The following SEPTIN11 variants were observed in gnomAD, a reference collection of about 807,000 sequenced individuals.
The protein encoded by SEPTIN11 is septin 11, also known as septin-11.
A neutral mutation model predicts 51.4 loss-of-function variants in SEPTIN11; 25 were observed. The ratio of observed to expected loss-of-function variants is 0.49; its 90% CI spans 0.35 to 0.68. The LOEUF (loss-of-function observed/expected upper bound fraction) is 0.68, where lower values mean the gene tolerates loss of function less well. SEPTIN11 is among the 30% of genes least tolerant of loss of function. The probability of loss-of-function intolerance (pLI) is 0.00; values close to 1 mark genes in which losing one functional copy is unlikely to be tolerated. For synonymous variants in SEPTIN11, 174 were observed against 184.1 expected, an observed-to-expected ratio of 0.95 and a Z score of 0.44; for missense variants, 381 against 520.8, an observed-to-expected ratio of 0.73 and a Z score of 2.61.
intron 1 of SEPTIN11, among the ~76,000 whole-genome samples, chr4:76,956,506 C>T (rs186189357): frequency 6.6e-6 from 1 of 152,322 alleles, no homozygotes; most frequent in African/African-American, 2.4e-5. Context: ...GGGTTTATTT[C>T]TCATGCAGCT....
intron 1 of SEPTIN11, among the ~76,000 whole-genome samples, chr4:76,950,833 C>T (rs1312712481): frequency 6.6e-6 from 1 of 152,036 alleles, no homozygotes; most frequent in Admixed American, 6.5e-5. Flanking sequence ...GAGGAAGGGG[C>T]GGCGGCGGCC....
intron 1 of SEPTIN11, among the ~76,000 whole-genome samples, chr4:76,970,086 A>G (rs1265030005): frequency 6.6e-6 from 1 of 151,976 alleles, no homozygotes; most frequent in Non-Finnish European, 1.5e-5. Context: ...TACAATCTCC[A>G]TTAGGCTACC....
At chr4:76,992,394 A>T (rs1017847139) in intron 1 of SEPTIN11, among the ~76,000 whole-genome samples, 1 of 152,204 alleles carries the variant, frequency 6.6e-6, no homozygotes, top group Non-Finnish European at 1.5e-5. Flanking sequence ...TATTCAGTTC[A>T]TGAGATAAAT....
intron 4 of SEPTIN11, among the ~76,000 whole-genome samples, chr4:77,013,122 C>T (rs891525170): frequency 1.5e-4 from 23 of 152,218 alleles, no homozygotes; most frequent in African/African-American, 4.8e-4. Context: ...GCTTCCTAAT[C>T]GAGGGCTGAG....
chr4:77,008,635 A>G lies in SEPTIN11; in HGVS notation c.338+2839A>G, dbSNP rs532574540. 2.2e-4 allele frequency among the ~76,000 whole-genome samples: 33 copies of G among 152,310 alleles called. 1 individual carries two copies. Among genetic ancestry groups the G allele is most frequent in the African/African-American group, 7.7e-4 (32 of 41,564 alleles). ...GTTGGATGGATGGATCACATTGTCT[A>G]AGTATCTTTTTCCATCGGTTTTAGG... On this transcript the variant is annotated intron_variant, in intron 3 of 9. Coordinates refer to ENST00000264893, the MANE Select transcript of SEPTIN11 (RefSeq NM_018243.4).
Position 76,964,118 on chromosome 4 carries a change from A to G in SEPTIN11, c.27+14188A>G, listed in dbSNP as rs952469584. On this transcript the variant is annotated intron_variant, in intron 1 of 9. Transcript: ENST00000264893. ...GGTTTCCAGCTTCATCCATGTCCCT[A>G]CAAAGGACATGAACTCATCCTTTTT... Among the ~76,000 whole-genome samples, 14 of 152,248 alleles carry G rather than the reference A, an allele frequency of 9.2e-5. No individual in the cohort carries two copies. In the East Asian group the frequency reaches 2.7e-3, roughly 29 times the overall value.
chr4:77,016,888 T>G (rs1214255036), intron 5 of SEPTIN11, among the ~76,000 whole-genome samples: 1 of 151,896 alleles, frequency 6.6e-6, no homozygotes, highest in Non-Finnish European at 1.5e-5. Context: ...TAGAGATGAT[T>G]TAAAGTATAC....
At position 77,034,543 on chromosome 4, in the gene SEPTIN11, C is replaced by T. The variant is rs753000369; in HGVS notation, c.*31C>T. The T allele has an allele frequency of 6.5e-7, 1 of 1,547,398 alleles. No homozygotes were observed. Among genetic ancestry groups the T allele is most frequent in the Admixed American group, 2.0e-5 (1 of 49,072 alleles). ...GGCAAGCCAAGGATGTTCCCGCATT[C>T]ACCTGCTTTTGCAGTAATATCGTAT... On this transcript the variant is annotated 3_prime_UTR_variant, in exon 10 of 10. Coordinates refer to ENST00000264893, the MANE Select transcript of SEPTIN11 (RefSeq NM_018243.4).
intron 2 of SEPTIN11, 57 bp downstream of exon 2, chr4:76,996,596 CTG>C (rs1188080409): frequency 8.1e-7 from 1 of 1,231,102 alleles, no homozygotes; most frequent in African/African-American, 1.5e-5. Context: ...TGACAGGTAA[CTG>C]TCGGAGAGAC....
At position 77,037,592 on chromosome 4, in the gene SEPTIN11, T is replaced by C. The variant is rs915409748; in HGVS notation, c.*3080T>C. 15 of 985,302 alleles carry C rather than the reference T, an allele frequency of 1.5e-5. No homozygotes were observed. The highest frequency in any genetic ancestry group is 4.7e-5 in the South Asian group (1 of 21,296). The allele number at this position is 985,302 out of a possible 1,614,324, so 61.0% of individuals were successfully genotyped here. On this transcript the variant is annotated 3_prime_UTR_variant, in exon 10 of 10. Coordinates refer to ENST00000264893, the MANE Select transcript of SEPTIN11 (RefSeq NM_018243.4). ...TCTCCCTGGTGCTAACTGCTGACAG[T>C]GGCCACCTCTTTTTTGGGGATTGAG...
chr4:77,035,560 CACA>C lies in SEPTIN11; in HGVS notation c.*1052_*1054del. On this transcript the variant is annotated 3_prime_UTR_variant, in exon 10 of 10. Transcript: ENST00000264893. ...ATTTTAAGGTGGAAATAGGAAGGACCACAACATGACCCGTAAGTCAAGAAGGTA... is the reference window on the plus strand; with the variant it reads ...ATTTTAAGGTGGAAATAGGAAGGACCACATGACCCGTAAGTCAAGAAGGTA... The C allele has an allele frequency of 1.0e-6, 1 of 985,366 alleles. No homozygotes were observed. The highest frequency in any genetic ancestry group is 1.2e-6 in the Non-Finnish European group (1 of 829,910). The allele number at this position is 985,366 out of a possible 1,614,324, so 61.0% of individuals were successfully genotyped here.
At chr4:77,032,653 A>G (rs542169734) in intron 9 of SEPTIN11, among the ~76,000 whole-genome samples, 1 of 152,358 alleles carries the variant, frequency 6.6e-6, no homozygotes, top group Non-Finnish European at 1.5e-5. Context: ...TAGGAAATGC[A>G]AAGTCAAGTT....
intron 3 of SEPTIN11, among the ~76,000 whole-genome samples, chr4:77,010,541 A>G (rs1273647661): frequency 6.6e-6 from 1 of 151,992 alleles, no homozygotes; most frequent in Admixed American, 6.5e-5. Flanking sequence ...AAAGAAAAAT[A>G]TCAAAAAGCT....
intron 1 of SEPTIN11, among the ~76,000 whole-genome samples, chr4:76,957,570 A>G (rs1404142871): frequency 6.6e-6 from 1 of 152,200 alleles, no homozygotes; most frequent in Non-Finnish European, 1.5e-5. Context: ...TTCATCCTCA[A>G]TAAAAGTTGG....
At chr4:76,973,279 C>T (rs527346126) in intron 1 of SEPTIN11, among the ~76,000 whole-genome samples, 32 of 152,324 alleles carry the variant, frequency 2.1e-4, no homozygotes, top group African/African-American at 6.3e-4. Flanking sequence ...GGATGACAGA[C>T]GGGTCTGCCT....
At chr4:77,038,668 G>A, downstream of SEPTIN11, 1 of 1,022,378 alleles carries the variant, frequency 9.8e-7, no homozygotes, top group South Asian at 3.7e-5. Context: ...GTTTGCATAT[G>A]TACACGTGCT....
chr4:77,018,186 T>G (rs1469891705), intron 5 of SEPTIN11, among the ~76,000 whole-genome samples: 2 of 149,806 alleles, frequency 1.3e-5, no homozygotes, highest in Non-Finnish European at 2.9e-5. Flanking sequence ...ACGCCAGCAC[T>G]TTCGGAGTAA....
rs1025399231 is a variant in SEPTIN11, at chr4:77,035,273, T to C, written c.*761T>C. 1.0e-5 allele frequency: 10 copies of C among 985,286 alleles called. No individual in the cohort carries two copies. The highest frequency in any genetic ancestry group is 1.1e-4 in the East Asian group (1 of 8,824). 61.0% of individuals were successfully genotyped at this position (985,286 alleles called of 1,614,324 possible). The stretch of plus-strand genomic sequence containing the variant: ...GTCTTAAAGGTTGGATCATGTAACA[T>C]TGCTTAGTAGAAGAATCTTCTTCTA... On this transcript the variant is annotated 3_prime_UTR_variant, in exon 10 of 10. Transcript: ENST00000264893.
chr4:77,012,096 T>C (rs1022829106), intron 4 of SEPTIN11, among the ~76,000 whole-genome samples, 175 bp downstream of exon 4: 1 of 92,652 alleles, frequency 1.1e-5, no homozygotes, highest in South Asian at 3.1e-4. Context: ...AAAAATAAAA[T>C]AAAACAAAAC....
Sources: allele counts gnomAD v4.1 joint callset (sites outside exome capture counted in the v4.1 genomes callset), GRCh38; gene constraint gnomAD v4.1.1; transcripts MANE v1.5; gene names NCBI Gene and HGNC (gene_info 2026-07-23, HGNC 2026-07-21).